The following MTUS2 variants were observed in gnomAD, a reference collection of about 807,000 sequenced individuals.
MTUS2 encodes the protein microtubule associated scaffold protein 2.
Under a neutral mutation model 114.1 loss-of-function variants are expected in MTUS2, and 40 were observed. The ratio of observed to expected loss-of-function variants is 0.35; its 90% CI spans 0.27 to 0.46. MTUS2 has a LOEUF of 0.46. MTUS2 is among the 20% of genes least tolerant of loss of function. MTUS2 has a pLI of 1.00. For missense variants in MTUS2, 1,679 were observed against 1,705.4 expected, an observed-to-expected ratio of 0.98 and a Z score of 0.27; for synonymous variants, 688 against 672.0, an observed-to-expected ratio of 1.02 and a Z score of -0.37.
At chr13:29,318,465 A>T (rs1900113558) in intron 6 of MTUS2, among the ~76,000 whole-genome samples, 1 of 139,972 alleles carries the variant, frequency 7.1e-6, no homozygotes, top group African/African-American at 2.7e-5. Context: ...GACTCAGGGG[A>T]CTAATGGAGA....
At chr13:28,835,514 GTA>G (rs1351949203) in intron 1 of MTUS2, among the ~76,000 whole-genome samples, 2 of 152,198 alleles carry the variant, frequency 1.3e-5, no homozygotes, top group African/African-American at 4.8e-5. Flanking sequence ...GGGCTGTGGA[GTA>G]TCTGCTAATG....
chr13:28,877,411 A>G (rs1423214881), intron 2 of MTUS2, among the ~76,000 whole-genome samples: 1 of 152,170 alleles, frequency 6.6e-6, no homozygotes, highest in Non-Finnish European at 1.5e-5. Context: ...TAATAAAACA[A>G]CTTGGTAGGT....
At chr13:29,179,435 G>C (rs1260684331) in intron 5 of MTUS2, among the ~76,000 whole-genome samples, 1 of 152,144 alleles carries the variant, frequency 6.6e-6, no homozygotes, top group Non-Finnish European at 1.5e-5. Flanking sequence ...AAGAGGTTTC[G>C]AGGACAATGC....
chr13:29,464,832 A>G (rs1366155352), intron 9 of MTUS2, among the ~76,000 whole-genome samples: 4 of 152,352 alleles, frequency 2.6e-5, no homozygotes, highest in Admixed American at 2.6e-4. Context: ...TGTGTTAGAA[A>G]TGCAGATTCT....
intron 2 of MTUS2, among the ~76,000 whole-genome samples, chr13:28,983,037 T>C (rs891854587): frequency 6.6e-6 from 1 of 152,222 alleles, no homozygotes; most frequent in African/African-American, 2.4e-5. Context: ...ATTTAATGTT[T>C]TGGATATCTT....
At chr13:29,257,014 A>G (rs1320475513) in intron 5 of MTUS2, among the ~76,000 whole-genome samples, 1 of 152,182 alleles carries the variant, frequency 6.6e-6, no homozygotes, top group South Asian at 2.1e-4. Context: ...GGTATTCTTT[A>G]CTATATACAT....
intron 2 of MTUS2, among the ~76,000 whole-genome samples, chr13:28,955,684 CTTTCTGCTGTCATCTATGGGGAGG>C (rs1218608835): frequency 6.6e-6 from 1 of 152,124 alleles, no homozygotes; most frequent in African/African-American, 2.4e-5. Flanking sequence ...TCCCTCATTC[CTTTCTGCTGTCATCTATGGGGAGG>C]TTGAGGTTGA....
chr13:29,006,059 G>A (rs1294306634), intron 2 of MTUS2, among the ~76,000 whole-genome samples: 1 of 152,212 alleles, frequency 6.6e-6, no homozygotes, highest in Non-Finnish European at 1.5e-5. Context: ...CTAGAACAGA[G>A]ACTAAATATT....
chr13:29,099,328 C>G (rs1890311864), intron 4 of MTUS2, among the ~76,000 whole-genome samples: 1 of 152,136 alleles, frequency 6.6e-6, no homozygotes, highest in Non-Finnish European at 1.5e-5. Context: ...TTTCCTTTTG[C>G]ACTTACTCGG....
At chr13:29,119,676 G>A (rs534455772) in intron 5 of MTUS2, among the ~76,000 whole-genome samples, 2 of 152,212 alleles carry the variant, frequency 1.3e-5, no homozygotes, top group Admixed American at 1.3e-4. Context: ...TCTAGTTCAA[G>A]TAGTCAGGGA....
intron 9 of MTUS2, among the ~76,000 whole-genome samples, chr13:29,442,647 A>AT (rs1203310934): frequency 4.8e-4 from 7 of 14,588 alleles, no homozygotes; most frequent in Non-Finnish European, 1.1e-3. Flanking sequence ...GGGAGGCAGC[A>AT]TTGGTGTGTT....
At chr13:29,405,181 A>C (rs1193385670) in intron 8 of MTUS2, among the ~76,000 whole-genome samples, 2 of 152,220 alleles carry the variant, frequency 1.3e-5, no homozygotes, top group African/African-American at 4.8e-5. Context: ...GACACTGAGG[A>C]GTAACTTAAT....
At chr13:29,400,165 AAGATTTACC>A (rs1440382841) in intron 8 of MTUS2, among the ~76,000 whole-genome samples, 1 of 152,244 alleles carries the variant, frequency 6.6e-6, no homozygotes, top group Non-Finnish European at 1.5e-5. Flanking sequence ...CAAAGATTTA[AAGATTTACC>A]CACCCACACA....
chr13:28,853,270 T>C (rs577335102), intron 2 of MTUS2, among the ~76,000 whole-genome samples: 1 of 152,304 alleles, frequency 6.6e-6, no homozygotes, highest in South Asian at 2.1e-4. Flanking sequence ...TTGTTAACTT[T>C]ATGAAAATGT....
At chr13:28,910,417 G>T (rs1013670847) in intron 2 of MTUS2, among the ~76,000 whole-genome samples, 2 of 151,852 alleles carry the variant, frequency 1.3e-5, no homozygotes, top group African/African-American at 4.8e-5. Context: ...AGATGTGTAG[G>T]ATGTTCAGGT....
chr13:28,832,927 G>T (rs916027793), intron 1 of MTUS2, among the ~76,000 whole-genome samples: 7 of 151,772 alleles, frequency 4.6e-5, no homozygotes, highest in Admixed American at 2.6e-4. Context: ...AATAAAATAA[G>T]AACATTTTAA....
intron 5 of MTUS2, among the ~76,000 whole-genome samples, chr13:29,132,093 A>G (rs1593510862): frequency 1.3e-5 from 2 of 152,354 alleles, no homozygotes; most frequent in African/African-American, 4.8e-5. Flanking sequence ...ATGACCCCAG[A>G]ACTCTGGAAT....
At chr13:28,946,681 A>G (rs1382298502) in intron 2 of MTUS2, among the ~76,000 whole-genome samples, 3 of 152,142 alleles carry the variant, frequency 2.0e-5, no homozygotes, top group Non-Finnish European at 4.4e-5. Context: ...CTTAGCTTAG[A>G]TGGACTGGCA....
intron 8 of MTUS2, among the ~76,000 whole-genome samples, chr13:29,373,746 C>T (rs1331561287): frequency 3.3e-5 from 5 of 152,168 alleles, no homozygotes; most frequent in African/African-American, 1.2e-4. Context: ...TGACTGCCTG[C>T]TGCTGATTAT....
Sources: allele counts gnomAD v4.1 joint callset (sites outside exome capture counted in the v4.1 genomes callset), GRCh38; gene constraint gnomAD v4.1.1; transcripts MANE v1.5; gene names NCBI Gene and HGNC (gene_info 2026-07-23, HGNC 2026-07-21).